ANO4: variants seen among roughly 807,000 people sequenced by gnomAD.
ANO4 encodes the protein anoctamin-4.
ANO4 carries 69 observed loss-of-function variants against 141.9 expected under a neutral mutation model. The ratio of observed to expected loss-of-function variants is 0.49; its 90% CI spans 0.40 to 0.59. The LOEUF is 0.59. Ranked by LOEUF, ANO4 falls within the 20% of genes least tolerant of loss-of-function variation. The probability of loss-of-function intolerance (pLI) is 0.00; values close to 1 mark genes in which losing one functional copy is unlikely to be tolerated. For missense variants in ANO4, 894 were observed against 1,162.2 expected (o/e 0.77, Z 3.36); for synonymous variants, 350 against 394.3 (o/e 0.89, Z 1.33).
intron 1 of ANO4, among the ~76,000 whole-genome samples, chr12:100,823,408 A>T (rs2036160503): frequency 6.6e-6 from 1 of 151,928 alleles, no homozygotes; most frequent in African/African-American, 2.4e-5. Context: ...GTGGAAGGCC[A>T]CCCCTTTTTG....
chr12:100,921,410 C>G (rs1186550140), intron 2 of ANO4, among the ~76,000 whole-genome samples: 2 of 152,116 alleles, frequency 1.3e-5, no homozygotes, highest in Non-Finnish European at 2.9e-5. Flanking sequence ...ATACTGGAAG[C>G]TAGGGCATGT....
intron 26 of ANO4, among the ~76,000 whole-genome samples, chr12:101,123,301 GTTGT>G (rs1378653606): frequency 1.3e-5 from 2 of 152,130 alleles, no homozygotes; most frequent in Non-Finnish European, 2.9e-5. Flanking sequence ...AAAACTTCTT[GTTGT>G]TTGTTTGGGA....
chr12:100,888,447 C>T (rs563749413), intron 1 of ANO4, among the ~76,000 whole-genome samples: 30 of 152,240 alleles, frequency 2.0e-4, no homozygotes, highest in Admixed American at 2.0e-3. Flanking sequence ...ATATTGGAGC[C>T]GCGCAAGAGC....
At chr12:101,021,787 T>A (rs1468824175) in intron 9 of ANO4, among the ~76,000 whole-genome samples, 1 of 152,192 alleles carries the variant, frequency 6.6e-6, no homozygotes, top group East Asian at 1.9e-4. Context: ...TTAATGAGAT[T>A]TGAGATTTTT....
intron 1 of ANO4, among the ~76,000 whole-genome samples, chr12:100,841,104 C>T (rs1295209114): frequency 1.3e-5 from 2 of 152,090 alleles, no homozygotes; most frequent in East Asian, 3.9e-4. Flanking sequence ...CATATAGTTA[C>T]TGAACCAGAA....
In ANO4 at chr12:100,973,749, GT is replaced by G. The variant is rs989006456; in HGVS notation, c.558-1095del. Among the ~76,000 whole-genome samples, 13 of 152,272 alleles carry G rather than the reference GT, an allele frequency of 8.5e-5. 1 individual carries two copies. The South Asian group carries it at 1.5e-3, about 17-fold the overall frequency. On this transcript the variant is annotated intron_variant, in intron 6 of 27. Coordinates refer to ENST00000392977, the MANE Select transcript of ANO4 (RefSeq NM_001286615.2). The stretch of plus-strand genomic sequence containing the variant: ...CATAGTTTACTCTAGGGTTGACTCT[GT>G]GTGTGTGGTTCTGTGGGTTTTGACA...
chr12:100,997,565 A>G (rs1447764901), intron 8 of ANO4, among the ~76,000 whole-genome samples: 1 of 152,174 alleles, frequency 6.6e-6, no homozygotes, highest in East Asian at 1.9e-4. Flanking sequence ...CAAGGAGAAT[A>G]TAAGTTAAAG....
chr12:101,060,701 C>T (rs1479874217), intron 14 of ANO4, among the ~76,000 whole-genome samples: 1 of 152,036 alleles, frequency 6.6e-6, no homozygotes, highest in East Asian at 1.9e-4. Context: ...TGATTGCAAT[C>T]CTTGCTTTTT....
At position 100,887,655 on chromosome 12, in the gene ANO4, C is replaced by A. The variant is rs2039903243; in HGVS notation, c.-140-13991C>A. On this transcript the variant is annotated intron_variant, in intron 1 of 27. Coordinates refer to ENST00000392977, the MANE Select transcript of ANO4 (RefSeq NM_001286615.2). ...GACAGTGAGCTCATGAGTGCAAGGA[C>A]TCTGTCTTTTAATTTCTGAATCCTC... 2.6e-5 allele frequency among the ~76,000 whole-genome samples: 4 copies of A among 152,244 alleles called. No homozygotes were observed. In the South Asian group the frequency reaches 8.3e-4, roughly 32 times the overall value.
chr12:101,024,597 A>T (rs978551419), intron 9 of ANO4, among the ~76,000 whole-genome samples: 1 of 89,774 alleles, frequency 1.1e-5, no homozygotes, highest in African/African-American at 3.5e-5. Flanking sequence ...CTCTGTCTCA[A>T]AAAAAAAAAA....
At chr12:101,084,529 A>C (rs1481275228) in intron 16 of ANO4, among the ~76,000 whole-genome samples, 1 of 152,088 alleles carries the variant, frequency 6.6e-6, no homozygotes, top group African/African-American at 2.4e-5. Context: ...TTTTCAAATG[A>C]TGAGTATATA....
At chr12:100,831,472 T>C (rs901216061) in intron 1 of ANO4, among the ~76,000 whole-genome samples, 2 of 151,974 alleles carry the variant, frequency 1.3e-5, no homozygotes, top group African/African-American at 4.8e-5. Context: ...ACAAGTCCCG[T>C]GTAGGGTCTA....
chr12:100,778,068 C>T (rs983515562), intron 3 of ANO4, among the ~76,000 whole-genome samples: 2 of 151,818 alleles, frequency 1.3e-5, no homozygotes, highest in Admixed American at 6.6e-5. Context: ...TACAGGCACC[C>T]GCCACCATGC....
intron 5 of ANO4, among the ~76,000 whole-genome samples, chr12:100,943,259 C>T (rs1476529157): frequency 6.6e-6 from 1 of 152,192 alleles, no homozygotes; most frequent in African/African-American, 2.4e-5. Flanking sequence ...TTCTCGGCTT[C>T]TCCCTAAACA....
intron 27 of ANO4, among the ~76,000 whole-genome samples, chr12:101,127,300 A>G (rs1335757149): frequency 1.3e-5 from 2 of 152,050 alleles, no homozygotes; most frequent in African/African-American, 4.8e-5. Flanking sequence ...TTCTTGCCAG[A>G]CTCTGGCCTA....
At chr12:100,910,908 A>G (rs1332538130) in intron 2 of ANO4, among the ~76,000 whole-genome samples, 1 of 152,094 alleles carries the variant, frequency 6.6e-6, no homozygotes, top group African/African-American at 2.4e-5. Context: ...TTTAAAACCT[A>G]TGGCCCTTTC....
chr12:101,052,672 G>A (rs2047923247), intron 14 of ANO4, among the ~76,000 whole-genome samples: 1 of 152,114 alleles, frequency 6.6e-6, no homozygotes, highest in Non-Finnish European at 1.5e-5. Flanking sequence ...AATTTTGCAA[G>A]AATCAGCCTT....
chr12:100,849,469 C>T (rs1178384557), intron 1 of ANO4, among the ~76,000 whole-genome samples: 1 of 152,206 alleles, frequency 6.6e-6, no homozygotes, highest in East Asian at 1.9e-4. Context: ...ATACCTTTCA[C>T]AAGACGAATG....
intron 18 of ANO4, 26 bp downstream of exon 18, chr12:101,094,318 A>G: frequency 6.3e-7 from 1 of 1,590,454 alleles, no homozygotes; most frequent in Non-Finnish European, 8.6e-7. Flanking sequence ...TCTATTTCAT[A>G]GAACTGTACT....
Sources: gnomAD v4.1 joint callset for allele counts (sites outside exome capture counted in the v4.1 genomes callset) on GRCh38, gnomAD v4.1.1 for gene constraint, MANE v1.5 for transcripts, NCBI Gene and HGNC (gene_info 2026-07-23, HGNC 2026-07-21) for gene names.